The following PGM2L1 variants were observed in gnomAD, a reference collection of about 807,000 sequenced individuals.
PGM2L1 encodes glucose 1,6-bisphosphate synthase.
In PGM2L1, 35 loss-of-function variants were observed where a neutral mutation model predicts 73.4. That is an observed-to-expected ratio of 0.48 (90% confidence interval 0.36 to 0.63). The LOEUF is 0.63. PGM2L1 is among the 30% of genes least tolerant of loss of function. The pLI, the probability that PGM2L1 is intolerant of heterozygous loss-of-function variation, is 0.00. For missense variants in PGM2L1, 570 were observed against 742.0 expected, an observed-to-expected ratio of 0.77 and a Z score of 2.69; for synonymous variants, 225 against 253.8, an observed-to-expected ratio of 0.89 and a Z score of 1.08.
intron 1 of PGM2L1, among the ~76,000 whole-genome samples, chr11:74,391,408 A>T (rs1372724617): frequency 1.3e-5 from 2 of 151,768 alleles, no homozygotes; most frequent in Admixed American, 1.3e-4. Context: ...ATTTCTTTAC[A>T]TTGGATTTCT....
chr11:74,338,045 C>A (rs905361541), intron 13 of PGM2L1, among the ~76,000 whole-genome samples: 1 of 151,958 alleles, frequency 6.6e-6, no homozygotes, highest in Non-Finnish European at 1.5e-5. Context: ...CATAGCCATG[C>A]AATGGAATAT....
At position 74,383,650 on chromosome 11, in the gene PGM2L1, A is replaced by C. The variant is rs1009740083; in HGVS notation, c.112-9068T>G. Among the ~76,000 whole-genome samples the C allele has an allele frequency of 3.2e-4, 48 of 151,526 alleles. 1 individual carries two copies. Among genetic ancestry groups the C allele is most frequent in the African/African-American group, 1.1e-3 (47 of 41,220 alleles). On this transcript the variant is annotated intron_variant, in intron 1 of 13. Transcript: ENST00000298198. Reference sequence around the variant, plus strand: ...GTGTGTTGTTCCCCTCCCGGTGTCCATGTGTTCTCATTGTTCAGCTCCCAC... The same window carrying C: ...GTGTGTTGTTCCCCTCCCGGTGTCCCTGTGTTCTCATTGTTCAGCTCCCAC...
chr11:74,383,573 A>C (rs976517356), intron 1 of PGM2L1, among the ~76,000 whole-genome samples: 2 of 151,870 alleles, frequency 1.3e-5, no homozygotes, highest in African/African-American at 4.8e-5. Context: ...CACATGCATT[A>C]GCTATTTATC....
chr11:74,371,862 A>G (rs752484021), intron 2 of PGM2L1, 45 bp from the exon 3 acceptor site: 5 of 1,426,006 alleles, frequency 3.5e-6, no homozygotes, highest in Admixed American at 1.7e-5. Context: ...GGATGCTTGC[A>G]TTTCATATGA....
chr11:74,398,177 G>A lies in PGM2L1; in HGVS notation c.-16C>T. 1 of 1,602,916 alleles carries A rather than the reference G, an allele frequency of 6.2e-7. No homozygotes were observed. Among genetic ancestry groups the A allele is most frequent in the Non-Finnish European group, 8.5e-7 (1 of 1,173,944 alleles). ...TTTCAGCCATGGCGACCAGACAGGC[G>A]TACGGGCCGGGGGCCGGCGAAGACA... On this transcript the variant is annotated 5_prime_UTR_variant, in exon 1 of 14. In the 5' UTR this introduces an upstream ATG that the reference lacks. Coordinates refer to ENST00000298198, the MANE Select transcript of PGM2L1 (RefSeq NM_173582.6).
At position 74,332,602 on chromosome 11, in the gene PGM2L1, T is replaced by C. The variant is rs1192575195; in HGVS notation, c.*4050A>G. The C allele has an allele frequency of 6.6e-6, 1 of 152,630 alleles. No homozygotes were observed. The highest frequency in any genetic ancestry group is 2.4e-5 in the African/African-American group (1 of 41,446). 9.5% of individuals were successfully genotyped at this position (152,630 alleles called of 1,614,324 possible). A position where few individuals can be genotyped will look rare whatever the true frequency, so the allele number is the denominator to read the frequency against. ...AGAGAAAAAGGCATAAAATTAAATGTATCCAAGTGAAGTTTGGATTTTTCA... is the reference window on the plus strand; with the variant it reads ...AGAGAAAAAGGCATAAAATTAAATGCATCCAAGTGAAGTTTGGATTTTTCA... On this transcript the variant is annotated 3_prime_UTR_variant, in exon 14 of 14. Transcript: ENST00000298198.
chr11:74,373,345 C>T lies in PGM2L1; in HGVS notation c.279+1070G>A, dbSNP rs369961089. On this transcript the variant is annotated intron_variant, in intron 2 of 13. Transcript: ENST00000298198. ...AGGGCAGGTATTCTACCTATGTAAC[C>T]ATCCTGTCATTCCTTCTCTCCTACC... 2.0e-5 allele frequency among the ~76,000 whole-genome samples: 3 copies of T among 152,154 alleles called. No individual in the cohort carries two copies. In the East Asian group the frequency reaches 5.8e-4, roughly 29 times the overall value.
chr11:74,370,374 A>C (rs2134928688), intron 4 of PGM2L1, among the ~76,000 whole-genome samples: 1 of 152,346 alleles, frequency 6.6e-6, no homozygotes, highest in South Asian at 2.1e-4. Context: ...TCCTTAATCC[A>C]TGAATAGTTT....
intron 1 of PGM2L1, among the ~76,000 whole-genome samples, chr11:74,395,166 C>T (rs940608686): frequency 6.6e-6 from 1 of 152,054 alleles, no homozygotes; most frequent in African/African-American, 2.4e-5. Context: ...AAATAATTAA[C>T]AAATTACTTA....
Position 74,330,702 on chromosome 11 carries a change from C to G in PGM2L1, c.*5950G>C, listed in dbSNP as rs1481105851. 2 of 152,524 alleles carry G rather than the reference C, an allele frequency of 1.3e-5. No individual in the cohort carries two copies. Among genetic ancestry groups the G allele is most frequent in the African/African-American group, 4.8e-5 (2 of 41,410 alleles). 9.4% of individuals were successfully genotyped at this position (152,524 alleles called of 1,614,324 possible). On this transcript the variant is annotated 3_prime_UTR_variant, in exon 14 of 14. Transcript: ENST00000298198. ...TGGACAAAAACATACCAAATAGGAT[C>G]AAATTTGTTGTGACTCACTTGGAAG...
At chr11:74,340,810 C>T (rs999928534) in intron 12 of PGM2L1, among the ~76,000 whole-genome samples, 112 of 152,112 alleles carry the variant, frequency 7.4e-4, no homozygotes, top group African/African-American at 2.5e-3. Flanking sequence ...AATTATGAGG[C>T]CTAGAGGTCG....
chr11:74,386,033 T>C (rs1863013059), intron 1 of PGM2L1, among the ~76,000 whole-genome samples: 1 of 152,178 alleles, frequency 6.6e-6, no homozygotes, highest in Non-Finnish European at 1.5e-5. Flanking sequence ...ATGATATATT[T>C]ACCAAGTGAA....
At chr11:74,358,050 C>T (rs1862489240) in intron 5 of PGM2L1, among the ~76,000 whole-genome samples, 1 of 152,158 alleles carries the variant, frequency 6.6e-6, no homozygotes, top group African/African-American at 2.4e-5. Flanking sequence ...ACAGAGAATT[C>T]CGGAGGCAGT....
At chr11:74,364,328 C>T (rs1030434721) in intron 5 of PGM2L1, among the ~76,000 whole-genome samples, 2 of 152,200 alleles carry the variant, frequency 1.3e-5, no homozygotes, top group Admixed American at 1.3e-4. Context: ...TCTCTCTCAC[C>T]ACTCCTATTC....
intron 1 of PGM2L1, among the ~76,000 whole-genome samples, chr11:74,375,075 C>T (rs1465375235): frequency 6.6e-6 from 1 of 152,164 alleles, no homozygotes; most frequent in Non-Finnish European, 1.5e-5. Context: ...TAAATACCAT[C>T]AAAACATGCC....
chr11:74,358,149 C>T (rs887214804), intron 5 of PGM2L1, among the ~76,000 whole-genome samples: 23 of 152,088 alleles, frequency 1.5e-4, no homozygotes, highest in African/African-American at 5.6e-4. Context: ...AGAATGAACC[C>T]TAACATAAAC....
intron 5 of PGM2L1, chr11:74,355,761 A>G (rs1418885170): frequency 2.1e-6 from 1 of 472,970 alleles, no homozygotes; most frequent in Non-Finnish European, 4.2e-6. Flanking sequence ...ATGAGAGGAG[A>G]GCCAGAGAAG....
In PGM2L1 at chr11:74,346,721, A is replaced by G. The variant is rs1232713598; in HGVS notation, c.1037+11T>C. 18 of 1,603,032 alleles carry G rather than the reference A, an allele frequency of 1.1e-5. No individual in the cohort carries two copies. The highest frequency in any genetic ancestry group is 1.3e-5 in the Non-Finnish European group (15 of 1,170,158). Reference sequence around the variant, plus strand: ...GTTCAAGCTTTTAATCAAATAACAGATTCTACATACTTCTCCTGAAGTTCT... The same window carrying G: ...GTTCAAGCTTTTAATCAAATAACAGGTTCTACATACTTCTCCTGAAGTTCT... On this transcript the variant is annotated intron_variant, in intron 8 of 13. Transcript: ENST00000298198.
In PGM2L1 at chr11:74,376,352, A is replaced by G. The variant is rs1298223912; in HGVS notation, c.112-1770T>C. 4.6e-5 allele frequency among the ~76,000 whole-genome samples: 7 copies of G among 152,122 alleles called. No homozygotes were observed. In the South Asian group the frequency reaches 1.0e-3, roughly 23 times the overall value. On this transcript the variant is annotated intron_variant, in intron 1 of 13. Coordinates refer to ENST00000298198, the MANE Select transcript of PGM2L1 (RefSeq NM_173582.6). ...AGCCTACACCATCTCACTACAGACA[A>G]ACAAAATAATTGTGTTGGGGTGTTA...
Sources: gnomAD v4.1 joint callset for allele counts (sites outside exome capture counted in the v4.1 genomes callset) on GRCh38, gnomAD v4.1.1 for gene constraint, MANE v1.5 for transcripts, NCBI Gene and HGNC (gene_info 2026-07-23, HGNC 2026-07-21) for gene names.